DCPS: variants seen among roughly 807,000 people sequenced by gnomAD.
The protein encoded by DCPS is m7GpppX diphosphatase.
Under a neutral mutation model 34.7 loss-of-function variants are expected in DCPS, and 27 were observed. The ratio of observed to expected loss-of-function variants is 0.78; its 90% CI spans 0.57 to 1.07. The LOEUF is 1.07. Ranked by LOEUF, DCPS falls within the 50% of genes least tolerant of loss-of-function variation. The pLI, the probability that DCPS is intolerant of heterozygous loss-of-function variation, is 0.00. For synonymous variants in DCPS, 185 were observed against 185.7 expected (o/e 1.00, Z 0.03); for missense variants, 464 against 436.9 (o/e 1.06, Z -0.55).
Position 126,342,178 on chromosome 11 carries a change from G to A in DCPS, c.637-1129G>A, listed in dbSNP as rs894974223. 1 of 152,314 alleles carries A rather than the reference G, an allele frequency of 6.6e-6. No individual in the cohort carries two copies. The highest frequency in any genetic ancestry group is 2.4e-5 in the African/African-American group (1 of 41,468). The allele number at this position is 152,314 out of a possible 1,614,324, so 9.4% of individuals were successfully genotyped here. ...GATGGAATTACCAGGCAAGGCCAGG[G>A]TTTAGGTGAGCAGGGTGGGTTTTCT... On this transcript the variant is annotated intron_variant, in intron 4 of 5. Transcript: ENST00000263579. This position sits in a 1 kb window ranked among gnomAD's most constrained non-coding sequence, Gnocchi z 4.4.
rs543717641 is a variant in DCPS at position 126,333,291 on chromosome 11, G to T, written c.522+1741G>T. On this transcript the variant is annotated intron_variant, in intron 3 of 5. Coordinates refer to ENST00000263579, the MANE Select transcript of DCPS (RefSeq NM_014026.6). The surrounding 1 kb of genome is among the most constrained non-coding windows in gnomAD (Gnocchi z 5.7). ...TAGTTTACAAGCACTCAGCTTAACTGGCAACACTCATTATGTTTACTGAGT... is the reference window on the plus strand; with the variant it reads ...TAGTTTACAAGCACTCAGCTTAACTTGCAACACTCATTATGTTTACTGAGT... 1.3e-3 allele frequency among the ~76,000 whole-genome samples: 204 copies of T among 152,310 alleles called. 10 individuals carry two copies. In the South Asian group the frequency reaches 0.04, roughly 30 times the overall value.
rs1951630259 is a variant in DCPS, at chr11:126,313,013, C to T, written c.376+6269C>T. ...CATCTCCTTTCTGCCATAGCTGTCA[C>T]CCTGCGGCCTGTCAATGGAGCCCTT... On this transcript the variant is annotated intron_variant, in intron 2 of 5. Transcript: ENST00000263579. This position sits in a 1 kb window ranked among gnomAD's most constrained non-coding sequence, Gnocchi z 4.9. Among the ~76,000 whole-genome samples the T allele has an allele frequency of 6.6e-6, 1 of 152,192 alleles. No individual in the cohort carries two copies. The highest frequency in any genetic ancestry group is 1.5e-5 in the Non-Finnish European group (1 of 68,048).
chr11:126,327,030 A>G lies in DCPS; in HGVS notation c.377-4375A>G. Reference sequence around the variant, plus strand: ...GTAGAATAATGATAACGATGGATATAAAAAAGGGTAAAATTATTAATTTCA... The same window carrying G: ...GTAGAATAATGATAACGATGGATATGAAAAAGGGTAAAATTATTAATTTCA... On this transcript the variant is annotated intron_variant, in intron 2 of 5. Transcript: ENST00000263579. The surrounding 1 kb of genome is among the most constrained non-coding windows in gnomAD (Gnocchi z 4.1). Among the ~76,000 whole-genome samples, 1 of 152,296 alleles carries G rather than the reference A, an allele frequency of 6.6e-6. No individual in the cohort carries two copies. Among genetic ancestry groups the G allele is most frequent in the Middle Eastern group, 3.4e-3 (1 of 294 alleles).
At chr11:126,306,874 G>T in intron 2 of DCPS, 130 bp downstream of exon 2, 12 of 1,115,866 alleles carry the variant, frequency 1.1e-5, no homozygotes, top group South Asian at 2.0e-5. Flanking sequence ...ACTTCCCTAG[G>T]GGACATTTGG....
rs948735284 is a variant in DCPS at position 126,337,986 on chromosome 11, C to T, written c.523-300C>T. On this transcript the variant is annotated intron_variant, in intron 3 of 5. Transcript: ENST00000263579. The surrounding 1 kb of genome is among the most constrained non-coding windows in gnomAD (Gnocchi z 5.3). ...GACACAGCCTGGGTTTGGAGGCCTCCGCAGAGCATGTGCACTATGCTGACC... is the reference window on the plus strand; with the variant it reads ...GACACAGCCTGGGTTTGGAGGCCTCTGCAGAGCATGTGCACTATGCTGACC... 6 of 384,706 alleles carry T rather than the reference C, an allele frequency of 1.6e-5. No individual in the cohort carries two copies. Among genetic ancestry groups the T allele is most frequent in the Admixed American group, 3.8e-5 (1 of 26,018 alleles). The allele number at this position is 384,706 out of a possible 1,614,324, so 23.8% of individuals were successfully genotyped here.
In DCPS at chr11:126,329,871, C is replaced by T. The variant is rs929944355; in HGVS notation, c.377-1534C>T. On this transcript the variant is annotated intron_variant, in intron 2 of 5. Coordinates refer to ENST00000263579, the MANE Select transcript of DCPS (RefSeq NM_014026.6). This position sits in a 1 kb window ranked among gnomAD's most constrained non-coding sequence, Gnocchi z 5.0. ...GGACTTCGTGGTGGTGAAATGTGCC[C>T]GCTGGGTTTTCAGCTCTCTCGGGTT... 1.3e-5 allele frequency among the ~76,000 whole-genome samples: 2 copies of T among 152,174 alleles called. No homozygotes were observed. Among genetic ancestry groups the T allele is most frequent in the South Asian group, 2.1e-4 (1 of 4,806 alleles).
chr11:126,343,188 C>T (rs1951889865), intron 4 of DCPS, 119 bp from the exon 5 acceptor site: 3 of 743,258 alleles, frequency 4.0e-6, no homozygotes, highest in Non-Finnish European at 2.3e-6. Flanking sequence ...TGCGGGGTTT[C>T]TCCTGGTGCT....
At chr11:126,321,172 T>C (rs75889131) in intron 2 of DCPS, among the ~76,000 whole-genome samples, 13 of 151,442 alleles carry the variant, frequency 8.6e-5, no homozygotes, top group South Asian at 2.1e-4. Context: ...AGGGGATCAC[T>C]TGAGTCTGTT....
intron 2 of DCPS, among the ~76,000 whole-genome samples, chr11:126,309,078 G>T (rs1246810776): frequency 1.3e-5 from 2 of 149,024 alleles, no homozygotes; most frequent in East Asian, 3.9e-4. Flanking sequence ...AGACTGGAGT[G>T]CAATGGCACG....
rs1051648137 is a variant in DCPS at position 126,319,196 on chromosome 11, C to T, written c.377-12209C>T. The stretch of plus-strand genomic sequence containing the variant: ...GAGGCATCACTATCATCATTCTCGC[C>T]GCTAGAACATCCTGTAGATGAAGAG... On this transcript the variant is annotated intron_variant, in intron 2 of 5. Coordinates refer to ENST00000263579, the MANE Select transcript of DCPS (RefSeq NM_014026.6). This position sits in a 1 kb window ranked among gnomAD's most constrained non-coding sequence, Gnocchi z 4.5. Among the ~76,000 whole-genome samples, 4 of 151,992 alleles carry T rather than the reference C, an allele frequency of 2.6e-5. No homozygotes were observed. Among genetic ancestry groups the T allele is most frequent in the Non-Finnish European group, 5.9e-5 (4 of 67,994 alleles).
In DCPS at chr11:126,342,062, T is replaced by C. The variant is rs1172955536; in HGVS notation, c.637-1245T>C. 1 of 152,248 alleles carries C rather than the reference T, an allele frequency of 6.6e-6. No homozygotes were observed. The highest frequency in any genetic ancestry group is 6.5e-5 in the Admixed American group (1 of 15,282). 9.4% of individuals were successfully genotyped at this position (152,248 alleles called of 1,614,324 possible). On this transcript the variant is annotated intron_variant, in intron 4 of 5. Coordinates refer to ENST00000263579, the MANE Select transcript of DCPS (RefSeq NM_014026.6). The surrounding 1 kb of genome is among the most constrained non-coding windows in gnomAD (Gnocchi z 4.4). ...CCTCAAATTATCTTCACAAGGAATCTGGTAGCTCAGACTGCAGGGCAGGGC... is the reference window on the plus strand; with the variant it reads ...CCTCAAATTATCTTCACAAGGAATCCGGTAGCTCAGACTGCAGGGCAGGGC...
In DCPS at chr11:126,315,700, A is replaced by C. The variant is rs957818253; in HGVS notation, c.376+8956A>C. On this transcript the variant is annotated intron_variant, in intron 2 of 5. Transcript: ENST00000263579. The surrounding 1 kb of genome is among the most constrained non-coding windows in gnomAD (Gnocchi z 6.1). ...TCCACCTGCCCAGTGTATCATCTCC[A>C]TGCCACTCAAAGGAGATTGCTTTAT... is the stretch of plus-strand genomic sequence containing the variant. 6.6e-6 allele frequency among the ~76,000 whole-genome samples: 1 copy of C among 152,072 alleles called. No homozygotes were observed. Among genetic ancestry groups the C allele is most frequent in the African/African-American group, 2.4e-5 (1 of 41,338 alleles).
In DCPS at chr11:126,343,400, A is replaced by T; in HGVS notation, c.730A>T (p.Ile244Phe). The change falls in exon 5 of 6, where the codon ATC (isoleucine) becomes TTC (phenylalanine). Residue 244 changes from isoleucine to phenylalanine, a missense_variant. Transcript: ENST00000263579. Reference protein sequence around the residue: ...TPEHLPLLRNILHQGQEAILQ... With the variant: ...TPEHLPLLRNFLHQGQEAILQ... ...GGAGCACTTGCCGCTGCTCAGGAAC[A>T]TCCTCCACCAGGGGCAGGTGAGTGG... 6.2e-7 allele frequency: 1 copy of T among 1,613,532 alleles called. No individual in the cohort carries two copies. The highest frequency in any genetic ancestry group is 8.5e-7 in the Non-Finnish European group (1 of 1,179,790).
chr11:126,315,293 C>A lies in DCPS; in HGVS notation c.376+8549C>A, dbSNP rs961658679. On this transcript the variant is annotated intron_variant, in intron 2 of 5. Transcript: ENST00000263579. The surrounding 1 kb of genome is among the most constrained non-coding windows in gnomAD (Gnocchi z 6.1). ...AATATTTCTGGGCTGGGTGCAGTAGCTCATGCCTGTAATTCCAGCACTTTG... is the reference window on the plus strand; with the variant it reads ...AATATTTCTGGGCTGGGTGCAGTAGATCATGCCTGTAATTCCAGCACTTTG... Among the ~76,000 whole-genome samples the A allele has an allele frequency of 6.6e-6, 1 of 152,034 alleles. No homozygotes were observed. The highest frequency in any genetic ancestry group is 2.4e-5 in the African/African-American group (1 of 41,322).
rs1480793106 is a variant in DCPS, at chr11:126,338,558, T to C, written c.636+159T>C. Reference sequence around the variant, plus strand: ...TCTCTGTGGGGACTGGGTGGATACCTGTCATACATAAGTGCTTTTGCTTTA... The same window carrying C: ...TCTCTGTGGGGACTGGGTGGATACCCGTCATACATAAGTGCTTTTGCTTTA... On this transcript the variant is annotated intron_variant, in intron 4 of 5. Coordinates refer to ENST00000263579, the MANE Select transcript of DCPS (RefSeq NM_014026.6). This position sits in a 1 kb window ranked among gnomAD's most constrained non-coding sequence, Gnocchi z 5.4. Among the ~76,000 whole-genome samples the C allele has an allele frequency of 6.6e-6, 1 of 152,228 alleles. No homozygotes were observed. Among genetic ancestry groups the C allele is most frequent in the Non-Finnish European group, 1.5e-5 (1 of 68,036 alleles).
chr11:126,334,622 G>C lies in DCPS; in HGVS notation c.522+3072G>C, dbSNP rs1951817182. 6.6e-6 allele frequency among the ~76,000 whole-genome samples: 1 copy of C among 152,180 alleles called. No homozygotes were observed. Among genetic ancestry groups the C allele is most frequent in the Admixed American group, 6.5e-5 (1 of 15,280 alleles). On this transcript the variant is annotated intron_variant, in intron 3 of 5. Transcript: ENST00000263579. This position sits in a 1 kb window ranked among gnomAD's most constrained non-coding sequence, Gnocchi z 5.5. Reference sequence around the variant, plus strand: ...GCCTCCCAAAGTGCTGGGATTACAGGTGTGAGCCACCGCACCCAGCCTCAC... The same window carrying C: ...GCCTCCCAAAGTGCTGGGATTACAGCTGTGAGCCACCGCACCCAGCCTCAC...
rs147755159 is a variant in DCPS at position 126,304,097 on chromosome 11, C to T, written c.17C>T (p.Pro6Leu). The change falls in exon 1 of 6, where the codon CCT becomes CTT. Residue 6 changes from proline (P) to leucine (L), a missense_variant. Transcript: ENST00000263579. MADAA[P>L]QLGKRKRELD... is the part of the protein sequence containing the mutation. Reference sequence around the variant, plus strand: ...CGCGGCAGCATGGCGGACGCAGCTCCTCAACTAGGCAAGAGGAAGCGCGAA... The same window carrying T: ...CGCGGCAGCATGGCGGACGCAGCTCTTCAACTAGGCAAGAGGAAGCGCGAA... The T allele has an allele frequency of 8.8e-5, 141 of 1,609,070 alleles. No individual in the cohort carries two copies. Among genetic ancestry groups the T allele is most frequent in the Non-Finnish European group, 1.1e-4 (132 of 1,177,892 alleles).
rs1449541133 is a variant in DCPS, at chr11:126,319,960, TCCAGG to T, written c.377-11444_377-11440del. 7.9e-5 allele frequency among the ~76,000 whole-genome samples: 12 copies of T among 151,982 alleles called. No homozygotes were observed. Among genetic ancestry groups the T allele is most frequent in the African/African-American group, 2.9e-4 (12 of 41,404 alleles). ...TATGTAAATATATATAACTCCATCA[TCCAGG>T]ATTGATCTCTCTTAACATCTCAGAG... is the stretch of plus-strand genomic sequence containing the variant. On this transcript the variant is annotated intron_variant, in intron 2 of 5. Transcript: ENST00000263579. The surrounding 1 kb of genome is among the most constrained non-coding windows in gnomAD (Gnocchi z 4.5).
rs1951972780 is a variant in DCPS, at chr11:126,349,596, TAAGA to T, written c.*3986_*3989del. ...GAATACAGATCCCCGAACTGAGAAA[TAAGA>T]AACAACTACATACGAAGTAATACTT... is the stretch of plus-strand genomic sequence containing the variant. On this transcript the variant is annotated 3_prime_UTR_variant, in exon 6 of 6. Coordinates refer to ENST00000263579, the MANE Select transcript of DCPS (RefSeq NM_014026.6). The surrounding 1 kb of genome is among the most constrained non-coding windows in gnomAD (Gnocchi z 5.4). Among the ~76,000 whole-genome samples the T allele has an allele frequency of 6.6e-6, 1 of 152,212 alleles. No homozygotes were observed. Among genetic ancestry groups the T allele is most frequent in the Non-Finnish European group, 1.5e-5 (1 of 68,030 alleles).
Sources: allele counts gnomAD v4.1 joint callset (sites outside exome capture counted in the v4.1 genomes callset), GRCh38; gene constraint gnomAD v4.1.1; non-coding constraint Gnocchi (gnomAD v3.1); transcripts MANE v1.5; gene names NCBI Gene and HGNC (gene_info 2026-07-23, HGNC 2026-07-21).